The following SNAPC3 variants were observed in gnomAD, a reference collection of about 807,000 sequenced individuals.
The protein encoded by SNAPC3 is snRNA-activating protein complex subunit 3.
In SNAPC3, 56 loss-of-function variants were observed where a neutral mutation model predicts 47.7. The ratio of observed to expected loss-of-function variants is 1.18; its 90% CI spans 0.95 to 1.47. The LOEUF is 1.47. Among genes scored for constraint, SNAPC3 ranks in the 40% most tolerant of loss-of-function variants. The probability of loss-of-function intolerance (pLI) is 0.00; values close to 1 mark genes in which losing one functional copy is unlikely to be tolerated. For synonymous variants in SNAPC3, 235 were observed against 189.9 expected (o/e 1.24, Z -1.95); for missense variants, 665 against 511.3 (o/e 1.30, Z -2.90).
intron 2 of SNAPC3, among the ~76,000 whole-genome samples, chr9:15,428,136 G>A (rs1488528270): frequency 1.5e-5 from 2 of 134,334 alleles, no homozygotes; most frequent in Admixed American, 7.7e-5. Context: ...AAAAAAAACT[G>A]TCAAACAGCT....
intron 7 of SNAPC3, among the ~76,000 whole-genome samples, chr9:15,455,064 C>T (rs2034675564): frequency 6.6e-6 from 1 of 152,154 alleles, no homozygotes; most frequent in Non-Finnish European, 1.5e-5. Context: ...GTAATTCGTC[C>T]TGAATTAAAT....
chr9:15,431,647 C>T (rs1209164721), intron 2 of SNAPC3, among the ~76,000 whole-genome samples: 1 of 152,028 alleles, frequency 6.6e-6, no homozygotes, highest in East Asian at 1.9e-4. Flanking sequence ...GGAATGGGAA[C>T]AGGTTAGTAG....
At chr9:15,440,839 CTT>C (rs2033271309) in intron 3 of SNAPC3, among the ~76,000 whole-genome samples, 1 of 151,218 alleles carries the variant, frequency 6.6e-6, no homozygotes, top group African/African-American at 2.4e-5. Flanking sequence ...GTCCCAGCTA[CTT>C]GGGAGGCTGA....
At position 15,454,921 on chromosome 9, in the gene SNAPC3, A is replaced by G. The variant is rs189479198; in HGVS notation, c.980+1716A>G. Reference sequence around the variant, plus strand: ...TGCACTCCAGCTTGGGTGACAGAGCAAGACTCCATATCAAAAAATAAATAA... The same window carrying G: ...TGCACTCCAGCTTGGGTGACAGAGCGAGACTCCATATCAAAAAATAAATAA... On this transcript the variant is annotated intron_variant, in intron 7 of 8. Coordinates refer to ENST00000380821, the MANE Select transcript of SNAPC3 (RefSeq NM_001039697.2). 9.8e-5 allele frequency among the ~76,000 whole-genome samples: 15 copies of G among 152,304 alleles called. No homozygotes were observed. In the East Asian group the frequency reaches 1.9e-3, roughly 20 times the overall value.
At chr9:15,438,462 C>T (rs1382392335) in intron 3 of SNAPC3, among the ~76,000 whole-genome samples, 1 of 151,918 alleles carries the variant, frequency 6.6e-6, no homozygotes, top group East Asian at 1.9e-4. Flanking sequence ...TATTCTTTTT[C>T]ACTTATCTCC....
intron 3 of SNAPC3, among the ~76,000 whole-genome samples, chr9:15,444,359 A>T (rs1006190902): frequency 6.6e-6 from 1 of 152,248 alleles, no homozygotes; most frequent in African/African-American, 2.4e-5. Context: ...AGTACCACAC[A>T]TCTTATCAGA....
chr9:15,422,978 G>A lies in SNAPC3; in HGVS notation c.99G>A (p.Glu33=), dbSNP rs139391985. ...GSGGCNFPEY[E]LPELNTRAFH... ...GCGGCTGCAACTTTCCAGAGTATGA[G>A]CTTCCCGAGCTAAATACGCGCGCTT... Residue 33 remains glutamate (E), a synonymous_variant, in exon 1 of 9, where the codon GAG becomes GAA. Transcript: ENST00000380821. 1.3e-6 allele frequency: 2 copies of A among 1,541,904 alleles called. No individual in the cohort carries two copies. The highest frequency in any genetic ancestry group is 8.7e-7 in the Non-Finnish European group (1 of 1,151,342).
chr9:15,425,207 CTATGTTATGT>C (rs1195717881), intron 2 of SNAPC3, among the ~76,000 whole-genome samples: 1 of 152,130 alleles, frequency 6.6e-6, no homozygotes, highest in Non-Finnish European at 1.5e-5. Context: ...CATACCACTT[CTATGTTATGT>C]TATGTTACGT....
At chr9:15,451,733 A>G (rs1431653808) in intron 6 of SNAPC3, among the ~76,000 whole-genome samples, 3 of 152,012 alleles carry the variant, frequency 2.0e-5, no homozygotes, top group African/African-American at 7.2e-5. Context: ...TCACCTTAAC[A>G]TGCATTATTA....
chr9:15,457,810 G>A, intron 7 of SNAPC3, 150 bp from the exon 8 acceptor site: 1 of 557,184 alleles, frequency 1.8e-6, no homozygotes, highest in Non-Finnish European at 3.1e-6. Context: ...GGTGAAACAT[G>A]GCATAACAAG....
At chr9:15,454,877 T>C (rs2034658849) in intron 7 of SNAPC3, among the ~76,000 whole-genome samples, 1 of 152,146 alleles carries the variant, frequency 6.6e-6, no homozygotes, top group Non-Finnish European at 1.5e-5. Context: ...GAGCATGCAG[T>C]GAGCTGAGAT....
At chr9:15,462,785 AC>A (rs1449197896), downstream of SNAPC3, 80 of 152,352 alleles carry the variant, frequency 5.3e-4, 1 homozygote, top group African/African-American at 1.9e-3. Context: ...CACGACACAA[AC>A]ATAAACACAT....
At chr9:15,428,540 C>T (rs540872690) in intron 2 of SNAPC3, among the ~76,000 whole-genome samples, 1 of 151,008 alleles carries the variant, frequency 6.6e-6, no homozygotes, top group South Asian at 2.1e-4. Flanking sequence ...GCCTATAAGT[C>T]TGTACTCCAA....
At chr9:15,465,017 T>A (rs900094957), downstream of SNAPC3, 2 of 219,842 alleles carry the variant, frequency 9.1e-6, no homozygotes, top group African/African-American at 4.5e-5. Context: ...TAACTTTTGA[T>A]AAAAAGGGAG....
At chr9:15,433,000 G>A (rs2032355689) in intron 2 of SNAPC3, among the ~76,000 whole-genome samples, 1 of 152,140 alleles carries the variant, frequency 6.6e-6, no homozygotes. Flanking sequence ...TCACTAGTAA[G>A]ATGTCATATT....
downstream of SNAPC3, chr9:15,465,557 G>A (rs754038238): frequency 1.0e-5 from 16 of 1,585,786 alleles, no homozygotes; most frequent in Non-Finnish European, 8.6e-7. Context: ...AGATATTTCA[G>A]TCTCTCTCTC....
chr9:15,441,378 C>CTTTTTTTTTTTTTTTTTTTTTTTTTTT (rs1351664407), intron 3 of SNAPC3, among the ~76,000 whole-genome samples: 1 of 40,506 alleles, frequency 2.5e-5, no homozygotes, highest in Admixed American at 3.0e-4. Flanking sequence ...CAAGAGTTCC[C>CTTTTTTTTTTTTTTTTTTTTTTTTTTT]TTTTCTTTTT....
downstream of SNAPC3, chr9:15,465,841 C>G (rs1481270880): frequency 5.5e-6 from 2 of 362,078 alleles, no homozygotes; most frequent in African/African-American, 4.2e-5. Flanking sequence ...GGACCAAGCC[C>G]TTTCCATCAT....
In SNAPC3 at chr9:15,460,058, ATATT is replaced by A; in HGVS notation, c.*197_*200del. On this transcript the variant is annotated 3_prime_UTR_variant, in exon 9 of 9. Coordinates refer to ENST00000380821, the MANE Select transcript of SNAPC3 (RefSeq NM_001039697.2). ...AATGTTTATAACATAGTTTAATTTT[ATATT>A]TATTCCAGATAGTATTTAATTTAGT... The A allele has an allele frequency of 2.4e-6, 1 of 423,254 alleles. No individual in the cohort carries two copies. Among genetic ancestry groups the A allele is most frequent in the Non-Finnish European group, 4.1e-6 (1 of 242,772 alleles). The allele number at this position is 423,254 out of a possible 1,614,324, so 26.2% of individuals were successfully genotyped here.
Sources: gnomAD v4.1 joint callset for allele counts (sites outside exome capture counted in the v4.1 genomes callset) on GRCh38, gnomAD v4.1.1 for gene constraint, MANE v1.5 for transcripts, NCBI Gene and HGNC (gene_info 2026-07-23, HGNC 2026-07-21) for gene names.